KCNJ6: variants seen among roughly 807,000 people sequenced by gnomAD.
KCNJ6 encodes the protein G protein-activated inward rectifier potassium channel 2.
KCNJ6 carries 9 observed loss-of-function variants against 34.2 expected under a neutral mutation model. The observed-to-expected ratio is 0.26, with a 90% confidence interval of 0.16 to 0.46. The LOEUF is 0.46. Ranked by LOEUF, KCNJ6 falls within the 20% of genes least tolerant of loss-of-function variation. KCNJ6 has a pLI of 1.00. For missense variants in KCNJ6, 236 were observed against 531.3 expected, an observed-to-expected ratio of 0.44 and a Z score of 5.46; for synonymous variants, 196 against 207.1, an observed-to-expected ratio of 0.95 and a Z score of 0.46.
At chr21:37,733,384 T>C (rs1416289399) in intron 2 of KCNJ6, among the ~76,000 whole-genome samples, 2 of 152,196 alleles carry the variant, frequency 1.3e-5, no homozygotes, top group Non-Finnish European at 2.9e-5. Flanking sequence ...CCATGTTTTA[T>C]TTGAGCTCTC....
intron 1 of KCNJ6, among the ~76,000 whole-genome samples, chr21:37,880,089 C>A (rs1185572011): frequency 3.0e-5 from 3 of 100,926 alleles, no homozygotes; most frequent in African/African-American, 1.3e-4. Context: ...TGAAACCCGG[C>A]TCTAAAAATA....
At chr21:37,727,931 A>G (rs2054863780) in intron 2 of KCNJ6, among the ~76,000 whole-genome samples, 1 of 152,230 alleles carries the variant, frequency 6.6e-6, no homozygotes. Flanking sequence ...ACTCAGCATA[A>G]TCACAGATCA....
At chr21:37,850,700 C>T (rs1210164145) in intron 1 of KCNJ6, among the ~76,000 whole-genome samples, 1 of 152,124 alleles carries the variant, frequency 6.6e-6, no homozygotes, top group African/African-American at 2.4e-5. Context: ...GTCACTCAAG[C>T]CCAGTGGTGA....
chr21:37,700,578 G>C (rs148744994), intron 3 of KCNJ6, among the ~76,000 whole-genome samples: 114 of 152,282 alleles, frequency 7.5e-4, no homozygotes, highest in African/African-American at 2.6e-3. Flanking sequence ...GCAAAAACGA[G>C]AGACTACATT....
At chr21:37,763,072 A>T (rs2055073696) in intron 2 of KCNJ6, among the ~76,000 whole-genome samples, 1 of 152,168 alleles carries the variant, frequency 6.6e-6, no homozygotes, top group South Asian at 2.1e-4. Context: ...ATCCAGATTC[A>T]TCAGGACCCA....
Position 37,622,455 on chromosome 21 carries a change from A to G in KCNJ6, c.*2704T>C, listed in dbSNP as rs531283369. On this transcript the variant is annotated 3_prime_UTR_variant, in exon 4 of 4. Transcript: ENST00000609713. ...TCAGTTCCAAATTTTAACAGTTGAC[A>G]CAAAATACACTGTTAAACTGTGTTA... 3 of 152,356 alleles carry G rather than the reference A, an allele frequency of 2.0e-5. No homozygotes were observed. The highest frequency in any genetic ancestry group is 4.1e-4 in the South Asian group (2 of 4,830). 9.4% of individuals were successfully genotyped at this position (152,356 alleles called of 1,614,324 possible). A position where few individuals can be genotyped will look rare whatever the true frequency, so the allele number is the denominator to read the frequency against.
intron 2 of KCNJ6, among the ~76,000 whole-genome samples, chr21:37,723,902 T>C (rs1306765755): frequency 6.6e-6 from 1 of 150,730 alleles, no homozygotes; most frequent in African/African-American, 2.4e-5. Context: ...ACTCCTTGAA[T>C]CTAAAATACA....
intron 1 of KCNJ6, among the ~76,000 whole-genome samples, chr21:37,856,925 C>G (rs151294272): frequency 1.4e-4 from 21 of 152,226 alleles, no homozygotes; most frequent in Admixed American, 1.3e-3. Flanking sequence ...GTTCACCAGG[C>G]CATGCTCTGG....
At chr21:37,875,031 C>G (rs1396298266) in intron 1 of KCNJ6, among the ~76,000 whole-genome samples, 1 of 152,194 alleles carries the variant, frequency 6.6e-6, no homozygotes, top group Non-Finnish European at 1.5e-5. Context: ...GCCAGAGTCA[C>G]TCTATGCCCA....
intron 3 of KCNJ6, among the ~76,000 whole-genome samples, chr21:37,649,582 C>G (rs1334917852): frequency 6.6e-6 from 1 of 152,230 alleles, no homozygotes; most frequent in Admixed American, 6.5e-5. Context: ...CGCGATGTAG[C>G]CAGACCCCGC....
At chr21:37,646,435 G>T (rs1197150828) in intron 3 of KCNJ6, among the ~76,000 whole-genome samples, 1 of 152,166 alleles carries the variant, frequency 6.6e-6, no homozygotes, top group Non-Finnish European at 1.5e-5. Flanking sequence ...GATCCTTGTA[G>T]CTTAATCATT....
chr21:37,903,426 C>T lies in KCNJ6; in HGVS notation c.-28+12458G>A, dbSNP rs530907524. 7.2e-5 allele frequency among the ~76,000 whole-genome samples: 11 copies of T among 152,322 alleles called. No individual in the cohort carries two copies. The East Asian group carries it at 2.1e-3, about 29-fold the overall frequency. ...ATATGCAACTGTGAGTCCACTAAAC[C>T]TCTTTCCTTTATAAATCACCCAGTC... is the stretch of plus-strand genomic sequence containing the variant. On this transcript the variant is annotated intron_variant, in intron 1 of 3. Transcript: ENST00000609713.
intron 2 of KCNJ6, among the ~76,000 whole-genome samples, chr21:37,831,587 C>A (rs895311538): frequency 1.3e-5 from 2 of 152,142 alleles, no homozygotes; most frequent in Non-Finnish European, 2.9e-5. Context: ...AGCATGAAAA[C>A]CCGCCTCTAG....
intron 2 of KCNJ6, among the ~76,000 whole-genome samples, chr21:37,799,528 A>G (rs1285648862): frequency 2.0e-5 from 3 of 152,200 alleles, no homozygotes; most frequent in African/African-American, 7.2e-5. Context: ...TTATGGGTCA[A>G]CAGGCAAGAG....
intron 2 of KCNJ6, among the ~76,000 whole-genome samples, chr21:37,830,649 G>A (rs572330371): frequency 1.3e-5 from 2 of 152,162 alleles, no homozygotes; most frequent in Non-Finnish European, 2.9e-5. Flanking sequence ...GGGCATCAGA[G>A]AGGTGAGTTT....
chr21:37,907,873 T>A (rs530072544), intron 1 of KCNJ6, among the ~76,000 whole-genome samples: 2 of 152,366 alleles, frequency 1.3e-5, no homozygotes, highest in East Asian at 1.9e-4. Flanking sequence ...GCACATAGAT[T>A]GTTGGATTAT....
chr21:37,748,351 A>G (rs1333373297), intron 2 of KCNJ6, among the ~76,000 whole-genome samples: 1 of 152,210 alleles, frequency 6.6e-6, no homozygotes, highest in Non-Finnish European at 1.5e-5. Context: ...TGCACTTGTC[A>G]GAGCAAGCTC....
At chr21:37,775,246 AT>A (rs1346920751) in intron 2 of KCNJ6, among the ~76,000 whole-genome samples, 2 of 152,144 alleles carry the variant, frequency 1.3e-5, no homozygotes, top group Non-Finnish European at 2.9e-5. Flanking sequence ...GATTCTGGAT[AT>A]TAGCCCTTTG....
At chr21:37,738,916 A>G (rs1413069440) in intron 2 of KCNJ6, among the ~76,000 whole-genome samples, 3 of 152,214 alleles carry the variant, frequency 2.0e-5, no homozygotes, top group Non-Finnish European at 4.4e-5. Context: ...TCCTCTTTGG[A>G]TGGGCTGAAG....
Sources: gnomAD v4.1 joint callset for allele counts (sites outside exome capture counted in the v4.1 genomes callset) on GRCh38, gnomAD v4.1.1 for gene constraint, MANE v1.5 for transcripts, NCBI Gene and HGNC (gene_info 2026-07-23, HGNC 2026-07-21) for gene names.